The following UQCC1 variants were observed in gnomAD, a reference collection of about 807,000 sequenced individuals.
The protein encoded by UQCC1 is bFGF-repressed Zic-binding protein.
In UQCC1, 38 loss-of-function variants were observed where a neutral mutation model predicts 48.0. That is an observed-to-expected ratio of 0.79 (90% CI 0.61 to 1.04). UQCC1 has a LOEUF of 1.04. Ranked by LOEUF, UQCC1 falls within the 50% of genes least tolerant of loss-of-function variation. The pLI, the probability that UQCC1 is intolerant of heterozygous loss-of-function variation, is 0.00. For missense variants in UQCC1, 368 were observed against 381.8 expected, an observed-to-expected ratio of 0.96 and a Z score of 0.30; for synonymous variants, 111 against 129.2, an observed-to-expected ratio of 0.86 and a Z score of 0.95.
intron 7 of UQCC1, among the ~76,000 whole-genome samples, chr20:35,337,187 C>T (rs2061324653): frequency 6.6e-6 from 1 of 150,648 alleles, no homozygotes; most frequent in African/African-American, 2.5e-5. Context: ...CTAGAGCTAG[C>T]ATTCTTTTTT....
chr20:35,409,931 G>A (rs62210591), intron 1 of UQCC1: 79,365 of 151,622 alleles, frequency 0.52, 22,435 homozygotes, highest in East Asian at 0.72. Context: ...TCAGCCTCAC[G>A]AGTAGCTGGG....
intron 6 of UQCC1, among the ~76,000 whole-genome samples, chr20:35,353,176 G>A (rs2061508559): frequency 6.6e-6 from 1 of 151,974 alleles, no homozygotes; most frequent in African/African-American, 2.4e-5. Flanking sequence ...GCCGAGGCAG[G>A]TGGATTACTT....
intron 4 of UQCC1, among the ~76,000 whole-genome samples, chr20:35,375,029 G>A (rs2061780386): frequency 6.6e-6 from 1 of 152,022 alleles, no homozygotes; most frequent in African/African-American, 2.4e-5. Flanking sequence ...CTAGGAACAG[G>A]TATTTTAAGG....
intron 4 of UQCC1, among the ~76,000 whole-genome samples, chr20:35,378,247 A>T (rs2061825498): frequency 6.6e-6 from 1 of 152,192 alleles, no homozygotes; most frequent in African/African-American, 2.4e-5. Context: ...CTCTCCCACG[A>T]ACTAATGCAT....
rs2146284886 is a variant in UQCC1 at position 35,303,929 on chromosome 20, A to G, written c.*6T>C. The G allele has an allele frequency of 1.9e-6, 3 of 1,614,162 alleles. No homozygotes were observed. The highest frequency in any genetic ancestry group is 4.5e-5 in the East Asian group (2 of 44,874). On this transcript the variant is annotated 3_prime_UTR_variant, in exon 10 of 10. Coordinates refer to ENST00000374385, the MANE Select transcript of UQCC1 (RefSeq NM_018244.5). ...AGCTGGCGGGCCGTGCGGAGGGCCC[A>G]GCCCATCAAAGTCCCTCGTCGTTGT...
chr20:35,329,644 C>G (rs2061235062), intron 7 of UQCC1, among the ~76,000 whole-genome samples: 1 of 152,246 alleles, frequency 6.6e-6, no homozygotes, highest in Admixed American at 6.5e-5. Flanking sequence ...AAAGAAACAT[C>G]TGTCTCTACT....
rs1245933283 is a variant in UQCC1 at position 35,306,053 on chromosome 20, GAATT to G, written c.765+609_765+612del. ...AGGATCTGAGGGCAGGGAGGTCAAG[GAATT>G]AATTCCCCGGGGCTTGAGGACAGCT... On this transcript the variant is annotated intron_variant, in intron 9 of 9. Coordinates refer to ENST00000374385, the MANE Select transcript of UQCC1 (RefSeq NM_018244.5). Among the ~76,000 whole-genome samples the G allele has an allele frequency of 2.6e-5, 4 of 152,296 alleles. No individual in the cohort carries two copies. In the East Asian group the frequency reaches 5.8e-4, roughly 22 times the overall value.
chr20:35,385,848 T>A (rs1488079052), intron 2 of UQCC1, among the ~76,000 whole-genome samples: 1 of 151,554 alleles, frequency 6.6e-6, no homozygotes, highest in East Asian at 1.9e-4. Context: ...AATAGACTTT[T>A]TTTTTTTTTT....
At chr20:35,354,631 T>G (rs985787206) in intron 6 of UQCC1, among the ~76,000 whole-genome samples, 3 of 151,592 alleles carry the variant, frequency 2.0e-5, no homozygotes, top group Non-Finnish European at 4.4e-5. Context: ...TCCTGACCTC[T>G]TGATCCGCCC....
At chr20:35,411,172 C>T (rs2062357854) in intron 1 of UQCC1, among the ~76,000 whole-genome samples, 1 of 152,184 alleles carries the variant, frequency 6.6e-6, no homozygotes, top group Admixed American at 6.5e-5. Context: ...TGTATCCTAA[C>T]GTTTTTTCTG....
intron 1 of UQCC1, among the ~76,000 whole-genome samples, chr20:35,394,890 C>T (rs2062055788): frequency 6.6e-6 from 1 of 152,188 alleles, no homozygotes; most frequent in Non-Finnish European, 1.5e-5. Flanking sequence ...TTTTGTCCAA[C>T]TTGTCCATAC....
At chr20:35,354,108 C>A (rs1038628351) in intron 6 of UQCC1, among the ~76,000 whole-genome samples, 1 of 152,038 alleles carries the variant, frequency 6.6e-6, no homozygotes, top group African/African-American at 2.4e-5. Context: ...CAGGCTATAC[C>A]ACCGAGGTTT....
chr20:35,387,987 A>ATT (rs34545001), intron 2 of UQCC1, among the ~76,000 whole-genome samples: 12 of 139,796 alleles, frequency 8.6e-5, no homozygotes, highest in African/African-American at 2.9e-4. Context: ...ATATTTTCCT[A>ATT]TTTTTTTTTT....
Position 35,302,589 on chromosome 20 carries a change from C to G in UQCC1, c.*1346G>C, listed in dbSNP as rs2060883295. The G allele has an allele frequency of 6.6e-6, 1 of 152,192 alleles. No homozygotes were observed. Among genetic ancestry groups the G allele is most frequent in the African/African-American group, 2.4e-5 (1 of 41,438 alleles). The allele number at this position is 152,192 out of a possible 1,614,324, so 9.4% of individuals were successfully genotyped here. ...CATTCCAGGAGCAGTTAGGTACACA[C>G]AGTAAAGTTTATTTTGGTGCATGGT... On this transcript the variant is annotated 3_prime_UTR_variant, in exon 10 of 10. Transcript: ENST00000374385.
chr20:35,307,214 G>A (rs2060939541), intron 8 of UQCC1: 1 of 282,774 alleles, frequency 3.5e-6, no homozygotes, highest in East Asian at 9.1e-5. Context: ...AGGAATGGAG[G>A]TGGGCATGGA....
chr20:35,351,753 T>C (rs1035840642), intron 6 of UQCC1, among the ~76,000 whole-genome samples: 4 of 152,226 alleles, frequency 2.6e-5, no homozygotes, highest in African/African-American at 9.6e-5. Context: ...TGTATCAACA[T>C]GGGATGAAGT....
Position 35,311,022 on chromosome 20 carries a change from G to T in UQCC1, c.651+3666C>A, listed in dbSNP as rs913489280. Among the ~76,000 whole-genome samples the T allele has an allele frequency of 4.6e-5, 7 of 151,916 alleles. No individual in the cohort carries two copies. The East Asian group carries it at 1.4e-3, about 29-fold the overall frequency. Reference sequence around the variant, plus strand: ...CAGCTGCAGATTATTCTAAGCAAGAGAAAATATTCAAAATATTTACAGAGG... The same window carrying T: ...CAGCTGCAGATTATTCTAAGCAAGATAAAATATTCAAAATATTTACAGAGG... On this transcript the variant is annotated intron_variant, in intron 8 of 9. Coordinates refer to ENST00000374385, the MANE Select transcript of UQCC1 (RefSeq NM_018244.5).
intron 2 of UQCC1, chr20:35,386,229 C>CA (rs751779736): frequency 0.031 from 9,545 of 311,828 alleles, 49 homozygotes; most frequent in African/African-American, 0.058. Context: ...ATAATTCTGG[C>CA]AAAAAAAAAA....
At chr20:35,361,431 T>C (rs536566654) in intron 6 of UQCC1, among the ~76,000 whole-genome samples, 33 of 152,082 alleles carry the variant, frequency 2.2e-4, no homozygotes, top group Admixed American at 1.2e-3. Flanking sequence ...CCTATCACAG[T>C]TGTATTTTAT....
Sources: gnomAD v4.1 joint callset for allele counts (sites outside exome capture counted in the v4.1 genomes callset) on GRCh38, gnomAD v4.1.1 for gene constraint, MANE v1.5 for transcripts, NCBI Gene and HGNC (gene_info 2026-07-23, HGNC 2026-07-21) for gene names.